Variants in ST18 observed in about 807,000 individuals in gnomAD.
The protein encoded by ST18 is suppression of tumorigenicity 18 protein.
In ST18, 50 loss-of-function variants were observed where a neutral mutation model predicts 110.0. That is an observed-to-expected ratio of 0.45 (90% confidence interval 0.36 to 0.58). ST18 has a LOEUF of 0.58. Among genes scored for constraint, ST18 ranks in the 20% least tolerant of loss-of-function variants. The pLI is 0.00. For missense variants in ST18, 1,306 were observed against 1,280.1 expected (o/e 1.02, Z -0.31); for synonymous variants, 461 against 452.4 (o/e 1.02, Z -0.24).
At chr8:52,393,585 A>C (rs1230869840) in intron 2 of ST18, 1 of 152,150 alleles carries the variant, frequency 6.6e-6, no homozygotes, top group Non-Finnish European at 1.5e-5. Context: ...CGGGAAATGA[A>C]AAAAAAACGC....
At chr8:52,209,770 CAAAAA>C (rs1172620781) in intron 8 of ST18, among the ~76,000 whole-genome samples, 37 of 71,872 alleles carry the variant, frequency 5.1e-4, no homozygotes, top group African/African-American at 1.7e-3. Flanking sequence ...AACTCCATCT[CAAAAA>C]AAAAAAAAAA....
chr8:52,234,802 A>T (rs1415888231), intron 2 of ST18, among the ~76,000 whole-genome samples: 1 of 151,740 alleles, frequency 6.6e-6, no homozygotes, highest in East Asian at 1.9e-4. Flanking sequence ...GAATGAATTA[A>T]TGGCATTCTC....
intron 2 of ST18, among the ~76,000 whole-genome samples, chr8:52,377,312 A>G (rs942894967): frequency 2.6e-5 from 4 of 152,200 alleles, no homozygotes; most frequent in African/African-American, 9.6e-5. Flanking sequence ...CCTATAACTG[A>G]TTTAGTACAA....
At chr8:52,123,418 G>A (rs1253211961) in intron 23 of ST18, among the ~76,000 whole-genome samples, 1 of 152,066 alleles carries the variant, frequency 6.6e-6, no homozygotes, top group East Asian at 1.9e-4. Flanking sequence ...CAATTATTGT[G>A]GCCACACTTT....
intron 2 of ST18, among the ~76,000 whole-genome samples, chr8:52,297,985 A>G (rs2095659989): frequency 6.6e-6 from 1 of 152,192 alleles, no homozygotes. Flanking sequence ...CCTTTATGTT[A>G]TCTTCTATAA....
intron 2 of ST18, among the ~76,000 whole-genome samples, chr8:52,338,137 C>T (rs1289190705): frequency 1.3e-5 from 2 of 152,168 alleles, no homozygotes; most frequent in Non-Finnish European, 2.9e-5. Context: ...CGGCTCACTG[C>T]AACCTCCAAC....
intron 2 of ST18, among the ~76,000 whole-genome samples, chr8:52,262,075 G>T (rs1290739824): frequency 1.3e-5 from 2 of 152,168 alleles, no homozygotes; most frequent in East Asian, 3.8e-4. Flanking sequence ...TATGTTGAGG[G>T]CCTTCTTGCT....
At chr8:52,174,155 A>C (rs2066029036) in intron 9 of ST18, among the ~76,000 whole-genome samples, 1 of 152,220 alleles carries the variant, frequency 6.6e-6, no homozygotes, top group African/African-American at 2.4e-5. Flanking sequence ...TTAACATTTT[A>C]GTTCCTAGAA....
Position 52,379,854 on chromosome 8 carries a change from C to A in ST18, c.-465+29474G>T, listed in dbSNP as rs532356272. On this transcript the variant is annotated intron_variant, in intron 2 of 25. Transcript: ENST00000689386. The stretch of plus-strand genomic sequence containing the variant: ...AAGATTAACTTTAGAACATACTGTA[C>A]CACTGTAATAATTTTGTAGCCACCT... Among the ~76,000 whole-genome samples the A allele has an allele frequency of 3.3e-5, 5 of 152,224 alleles. No individual in the cohort carries two copies. In the South Asian group the frequency reaches 1.0e-3, roughly 32 times the overall value.
At chr8:52,251,275 T>A (rs968232487) in intron 2 of ST18, among the ~76,000 whole-genome samples, 1 of 152,130 alleles carries the variant, frequency 6.6e-6, no homozygotes, top group African/African-American at 2.4e-5. Flanking sequence ...AATACTTACC[T>A]CAATATTTCA....
chr8:52,392,088 T>C (rs985229558), intron 2 of ST18, among the ~76,000 whole-genome samples: 1 of 152,092 alleles, frequency 6.6e-6, no homozygotes, highest in Non-Finnish European at 1.5e-5. Flanking sequence ...ATCCGAAAAA[T>C]GAGAATGCAT....
intron 2 of ST18, among the ~76,000 whole-genome samples, chr8:52,391,673 C>A (rs944001108): frequency 6.6e-6 from 1 of 152,178 alleles, no homozygotes; most frequent in Non-Finnish European, 1.5e-5. Flanking sequence ...CCCCTATAGC[C>A]TAGATGTGTA....
At chr8:52,398,109 T>C (rs1167544656) in intron 2 of ST18, among the ~76,000 whole-genome samples, 1 of 152,142 alleles carries the variant, frequency 6.6e-6, no homozygotes, top group Non-Finnish European at 1.5e-5. Flanking sequence ...AATTTCTGTT[T>C]TTGATGTTTT....
At chr8:52,276,382 A>C (rs1178502899) in intron 2 of ST18, among the ~76,000 whole-genome samples, 1 of 145,494 alleles carries the variant, frequency 6.9e-6, no homozygotes, top group African/African-American at 2.6e-5. Context: ...CATACTACAC[A>C]TACACCATAC....
At chr8:52,327,930 G>A (rs1807237158) in intron 2 of ST18, among the ~76,000 whole-genome samples, 1 of 152,190 alleles carries the variant, frequency 6.6e-6, no homozygotes, top group African/African-American at 2.4e-5. Flanking sequence ...ATTAATTCAT[G>A]TTCAGAGATT....
chr8:52,260,800 T>C (rs568045586), intron 2 of ST18, among the ~76,000 whole-genome samples: 12 of 152,256 alleles, frequency 7.9e-5, no homozygotes, highest in Non-Finnish European at 1.3e-4. Flanking sequence ...AGGCTTATAA[T>C]GATTCCGCTT....
At chr8:52,295,975 T>A (rs1466771587) in intron 2 of ST18, among the ~76,000 whole-genome samples, 1 of 151,774 alleles carries the variant, frequency 6.6e-6, no homozygotes, top group Non-Finnish European at 1.5e-5. Flanking sequence ...GGCAGCCAGA[T>A]AATCTACCAC....
chr8:52,146,589 T>C (rs1190912377), intron 16 of ST18, among the ~76,000 whole-genome samples: 1 of 152,204 alleles, frequency 6.6e-6, no homozygotes, highest in Non-Finnish European at 1.5e-5. Flanking sequence ...ATAATCCTGC[T>C]TTTCAAGATT....
chr8:52,284,926 A>C (rs2095443690), intron 2 of ST18, among the ~76,000 whole-genome samples: 3 of 152,060 alleles, frequency 2.0e-5, no homozygotes, highest in African/African-American at 7.2e-5. Context: ...TCCCTTCTAT[A>C]TTCTGTCCAC....
Sources: allele counts gnomAD v4.1 joint callset (sites outside exome capture counted in the v4.1 genomes callset), GRCh38; gene constraint gnomAD v4.1.1; transcripts MANE v1.5; gene names NCBI Gene and HGNC (gene_info 2026-07-23, HGNC 2026-07-21).